MDH1: variants seen among roughly 807,000 people sequenced by gnomAD.
MDH1 encodes the protein malate dehydrogenase, cytoplasmic.
A neutral mutation model predicts 38.7 loss-of-function variants in MDH1; 15 were observed. The ratio of observed to expected loss-of-function variants is 0.39; its 90% CI spans 0.26 to 0.60. MDH1 has a LOEUF of 0.60. MDH1 is among the 20% of genes least tolerant of loss of function. The probability of loss-of-function intolerance (pLI) is 0.56; values close to 1 mark genes in which losing one functional copy is unlikely to be tolerated. For missense variants in MDH1, 368 were observed against 405.2 expected, an observed-to-expected ratio of 0.91 and a Z score of 0.79; for synonymous variants, 144 against 143.6, an observed-to-expected ratio of 1.00 and a Z score of -0.02.
At chr2:63,601,050 G>C (rs1210859183) in intron 5 of MDH1, among the ~76,000 whole-genome samples, 2 of 152,134 alleles carry the variant, frequency 1.3e-5, no homozygotes, top group African/African-American at 4.8e-5. Context: ...TCTCACTGCA[G>C]GGCTCAAGTC....
At chr2:63,598,731 A>T (rs886338511) in intron 4 of MDH1, among the ~76,000 whole-genome samples, 1 of 152,182 alleles carries the variant, frequency 6.6e-6, no homozygotes, top group Non-Finnish European at 1.5e-5. Context: ...GTAAAAGATT[A>T]GAAGATTGTT....
chr2:63,590,631 T>C (rs1319693864), intron 1 of MDH1: 1 of 152,222 alleles, frequency 6.6e-6, no homozygotes, highest in African/African-American at 2.4e-5. Flanking sequence ...TCTACTCTTA[T>C]AATGTAGTCT....
chr2:63,594,448 A>G (rs760221711), intron 1 of MDH1, 40 bp from the exon 2 acceptor site: 3 of 1,321,412 alleles, frequency 2.3e-6, no homozygotes, highest in Admixed American at 3.4e-5. Flanking sequence ...TTTAAGGTAC[A>G]GTAGTACTTA....
chr2:63,597,347 C>A, intron 3 of MDH1, 52 bp from the exon 4 acceptor site: 1 of 1,319,466 alleles, frequency 7.6e-7, no homozygotes, highest in Non-Finnish European at 9.8e-7. Context: ...AAAAAGAAAA[C>A]TTCAAACTTT....
Position 63,592,305 on chromosome 2 carries a change from A to G in MDH1, c.4-2183A>G, listed in dbSNP as rs117408090. Among the ~76,000 whole-genome samples the G allele has an allele frequency of 9.2e-5, 14 of 152,352 alleles. No homozygotes were observed. The East Asian group carries it at 2.7e-3, about 29-fold the overall frequency. On this transcript the variant is annotated intron_variant, in intron 1 of 8. Transcript: ENST00000233114. ...GGTCACTAAGTTTCCAGTTTTCTCAATACATAATATATATGAATAAAATAC... is the reference window on the plus strand; with the variant it reads ...GGTCACTAAGTTTCCAGTTTTCTCAGTACATAATATATATGAATAAAATAC...
chr2:63,604,476 A>G (rs1181291948), intron 5 of MDH1, among the ~76,000 whole-genome samples: 3 of 152,108 alleles, frequency 2.0e-5, no homozygotes, highest in Non-Finnish European at 4.4e-5. Flanking sequence ...TAAACATTCT[A>G]CTCCATAAGG....
chr2:63,595,258 T>G (rs1160289779), intron 2 of MDH1, among the ~76,000 whole-genome samples, 165 bp from the exon 3 acceptor site: 2 of 152,212 alleles, frequency 1.3e-5, no homozygotes, highest in Admixed American at 1.3e-4. Flanking sequence ...TCCTTCTTTC[T>G]GAAAGTGGCA....
intron 2 of MDH1, chr2:63,595,032 T>G (rs1709278532): frequency 3.5e-6 from 1 of 285,838 alleles, no homozygotes; most frequent in Admixed American, 5.0e-5. Flanking sequence ...GGTATTCATT[T>G]ATTCAGTTTC....
At chr2:63,606,115 C>T in intron 8 of MDH1, 87 bp downstream of exon 8, 1 of 1,240,042 alleles carries the variant, frequency 8.1e-7, no homozygotes, top group Non-Finnish European at 1.2e-6. Flanking sequence ...GGCACAGTGG[C>T]TCACGCCTAT....
intron 1 of MDH1, among the ~76,000 whole-genome samples, chr2:63,594,028 C>T (rs1428180395): frequency 2.6e-5 from 4 of 152,272 alleles, no homozygotes; most frequent in Non-Finnish European, 4.4e-5. Context: ...AGTTGAAGCA[C>T]GATTAATTGT....
rs749814011 is a variant in MDH1 at position 63,589,027 on chromosome 2, C to G, written c.-17C>G. Reference sequence around the variant, plus strand: ...CTCATTTTGCAGTTGTTGAAATTGTCCCCGCAGTTTTCAATCATGGTGAGT... The same window carrying G: ...CTCATTTTGCAGTTGTTGAAATTGTGCCCGCAGTTTTCAATCATGGTGAGT... On this transcript the variant is annotated 5_prime_UTR_variant, in exon 1 of 9. Transcript: ENST00000233114. 1.2e-6 allele frequency: 2 copies of G among 1,614,208 alleles called. No homozygotes were observed. Among genetic ancestry groups the G allele is most frequent in the South Asian group, 2.2e-5 (2 of 91,088 alleles).
chr2:63,599,033 A>T (rs1709371894), intron 4 of MDH1, 137 bp from the exon 5 acceptor site: 1 of 627,392 alleles, frequency 1.6e-6, no homozygotes, highest in Non-Finnish European at 2.5e-6. Flanking sequence ...GCATTTTCCT[A>T]TGCTATATTG....
In MDH1 at chr2:63,588,992, C is replaced by T; in HGVS notation, c.-52C>T. 6.2e-7 allele frequency: 1 copy of T among 1,614,136 alleles called. No individual in the cohort carries two copies. The highest frequency in any genetic ancestry group is 8.5e-7 in the Non-Finnish European group (1 of 1,179,968). Reference sequence around the variant, plus strand: ...CAGTTCCGCGGTAGAGGTGACCTGACTCTCTGAGGCTCATTTTGCAGTTGT... The same window carrying T: ...CAGTTCCGCGGTAGAGGTGACCTGATTCTCTGAGGCTCATTTTGCAGTTGT... On this transcript the variant is annotated 5_prime_UTR_variant, in exon 1 of 9. Transcript: ENST00000233114.
chr2:63,605,525 T>A, intron 7 of MDH1, 132 bp downstream of exon 7: 1 of 678,250 alleles, frequency 1.5e-6, no homozygotes, highest in Non-Finnish European at 2.5e-6. Context: ...TATTAACAAG[T>A]AAACTTCGGG....
At chr2:63,591,908 A>C (rs1709208092) in intron 1 of MDH1, among the ~76,000 whole-genome samples, 1 of 152,330 alleles carries the variant, frequency 6.6e-6, no homozygotes. Flanking sequence ...GGTAATTGCT[A>C]TTATTATCTC....
chr2:63,595,589 G>T, intron 3 of MDH1, 70 bp downstream of exon 3: 1 of 925,678 alleles, frequency 1.1e-6, no homozygotes, highest in Non-Finnish European at 1.7e-6. Context: ...TTAGGTTTTT[G>T]TTAAAGGCTC....
chr2:63,607,080 T>G lies in MDH1; in HGVS notation c.*93T>G, dbSNP rs1260290978. 1 of 1,276,674 alleles carries G rather than the reference T, an allele frequency of 7.8e-7. No homozygotes were observed. Among genetic ancestry groups the G allele is most frequent in the Non-Finnish European group, 1.1e-6 (1 of 938,138 alleles). 79.1% of individuals were successfully genotyped at this position (1,276,674 alleles called of 1,614,324 possible). ...AAATAATAATAATGCTATACTTAAA[T>G]TACTTGTGAAAAACAACACATTTTA... is the stretch of plus-strand genomic sequence containing the variant. On this transcript the variant is annotated 3_prime_UTR_variant, in exon 9 of 9. Coordinates refer to ENST00000233114, the MANE Select transcript of MDH1 (RefSeq NM_005917.4).
At chr2:63,605,863 T>G in intron 7 of MDH1, 76 bp from the exon 8 acceptor site, 1 of 1,196,510 alleles carries the variant, frequency 8.4e-7, no homozygotes, top group South Asian at 1.2e-5. Flanking sequence ...AAGGGTCACC[T>G]GGTTTAATTT....
intron 1 of MDH1, chr2:63,594,285 C>T (rs970452916): frequency 1.5e-6 from 1 of 675,006 alleles, no homozygotes; most frequent in Middle Eastern, 2.5e-4. Context: ...CAGGATAACA[C>T]TTTTAGCTCC....
Sources: gnomAD v4.1 joint callset for allele counts (sites outside exome capture counted in the v4.1 genomes callset) on GRCh38, gnomAD v4.1.1 for gene constraint, MANE v1.5 for transcripts, NCBI Gene and HGNC (gene_info 2026-07-23, HGNC 2026-07-21) for gene names.